NKAIN3: variants seen among roughly 807,000 people sequenced by gnomAD.
NKAIN3 encodes the protein sodium/potassium transporting ATPase interacting 3, also known as sodium/potassium-transporting ATPase subunit beta-1-interacting protein 3.
In NKAIN3, 25 loss-of-function variants were observed where a neutral mutation model predicts 30.2. The ratio of observed to expected loss-of-function variants is 0.83; its 90% confidence interval spans 0.60 to 1.16. The LOEUF (loss-of-function observed/expected upper bound fraction) is 1.16. Ranked by LOEUF, NKAIN3 falls within the 50% of genes most tolerant of loss-of-function variation. NKAIN3 has a pLI of 0.00. For missense variants in NKAIN3, 225 were observed against 254.1 expected (o/e 0.89, Z 0.78); for synonymous variants, 91 against 89.6 (o/e 1.02, Z -0.09).
intron 4 of NKAIN3, among the ~76,000 whole-genome samples, chr8:62,790,673 A>C (rs779305627): frequency 4.0e-5 from 6 of 150,974 alleles, no homozygotes; most frequent in Non-Finnish European, 8.8e-5. Context: ...CTGTATGTCT[A>C]GTACGTTTCC....
At chr8:62,516,442 C>A (rs1807983323) in intron 1 of NKAIN3, among the ~76,000 whole-genome samples, 1 of 152,024 alleles carries the variant, frequency 6.6e-6, no homozygotes, top group South Asian at 2.1e-4. Context: ...TATGTGTGTT[C>A]ATATATGGTA....
At chr8:62,839,834 G>T (rs997015552) in intron 4 of NKAIN3, among the ~76,000 whole-genome samples, 2 of 151,842 alleles carry the variant, frequency 1.3e-5, no homozygotes, top group Admixed American at 6.6e-5. Context: ...GGCTGGTCTC[G>T]AACTCAGGCC....
intron 1 of NKAIN3, among the ~76,000 whole-genome samples, chr8:62,465,826 C>G (rs1806145186): frequency 6.6e-6 from 1 of 152,060 alleles, no homozygotes; most frequent in South Asian, 2.1e-4. Flanking sequence ...AGTTCGAGAC[C>G]AGCCTGGCCA....
intron 1 of NKAIN3, among the ~76,000 whole-genome samples, chr8:62,513,295 T>A (rs1364000385): frequency 1.3e-5 from 2 of 149,950 alleles, no homozygotes; most frequent in African/African-American, 4.9e-5. Flanking sequence ...CTAGATGGAC[T>A]GAAGCTAAAT....
intron 1 of NKAIN3, among the ~76,000 whole-genome samples, chr8:62,507,122 GT>G (rs1448730440): frequency 1.3e-5 from 2 of 152,066 alleles, no homozygotes; most frequent in Admixed American, 6.6e-5. Flanking sequence ...ATTTCCCTTT[GT>G]TTTCCAAAGT....
At chr8:62,626,859 G>C (rs1350487572) in intron 3 of NKAIN3, among the ~76,000 whole-genome samples, 1 of 152,110 alleles carries the variant, frequency 6.6e-6, no homozygotes, top group East Asian at 1.9e-4. Context: ...GTCAACCACT[G>C]TTGCCTCTAT....
intron 4 of NKAIN3, among the ~76,000 whole-genome samples, chr8:62,900,705 A>G (rs1038879214): frequency 2.6e-5 from 4 of 151,658 alleles, no homozygotes; most frequent in African/African-American, 9.7e-5. Flanking sequence ...AATCTTCACA[A>G]TAATTGGTGA....
At chr8:62,281,539 T>G (rs1027222439) in intron 1 of NKAIN3, among the ~76,000 whole-genome samples, 36 of 152,220 alleles carry the variant, frequency 2.4e-4, no homozygotes, top group African/African-American at 8.0e-4. Context: ...CTCTACACAC[T>G]GCTTTAAATG....
chr8:62,942,414 G>T (rs1167378211), intron 5 of NKAIN3, among the ~76,000 whole-genome samples: 1 of 150,936 alleles, frequency 6.6e-6, no homozygotes, highest in Non-Finnish European at 1.5e-5. Flanking sequence ...CATGCTCATG[G>T]ATGCATAGAA....
intron 3 of NKAIN3, among the ~76,000 whole-genome samples, chr8:62,695,572 T>A (rs1366055052): frequency 3.9e-5 from 6 of 152,126 alleles, no homozygotes; most frequent in Admixed American, 3.9e-4. Flanking sequence ...GAAGGAGTAA[T>A]TGACAATAAA....
intron 3 of NKAIN3, among the ~76,000 whole-genome samples, chr8:62,641,857 A>G (rs1384897159): frequency 1.3e-5 from 2 of 152,124 alleles, no homozygotes; most frequent in Non-Finnish European, 2.9e-5. Context: ...CTCTAAGACT[A>G]TGATGCATTT....
At chr8:62,419,781 G>T (rs1337155991) in intron 1 of NKAIN3, among the ~76,000 whole-genome samples, 1 of 152,132 alleles carries the variant, frequency 6.6e-6, no homozygotes, top group African/African-American at 2.4e-5. Flanking sequence ...GACTTTGGGA[G>T]AAATTCTCCA....
At chr8:62,998,931 T>C (rs1804188569) in intron 5 of NKAIN3, among the ~76,000 whole-genome samples, 1 of 152,188 alleles carries the variant, frequency 6.6e-6, no homozygotes, top group African/African-American at 2.4e-5. Context: ...TAAGGTGATA[T>C]CTCATTGTGA....
chr8:62,570,372 G>A (rs898082461), intron 1 of NKAIN3, among the ~76,000 whole-genome samples: 1 of 152,086 alleles, frequency 6.6e-6, no homozygotes, highest in South Asian at 2.1e-4. Context: ...TCATATATGG[G>A]TGTATTAATC....
intron 1 of NKAIN3, among the ~76,000 whole-genome samples, chr8:62,469,851 G>A (rs573631877): frequency 2.6e-5 from 4 of 152,280 alleles, no homozygotes; most frequent in African/African-American, 9.6e-5. Context: ...GGGAATTGCT[G>A]CATCTCTCAT....
At position 62,579,639 on chromosome 8, in the gene NKAIN3, T is replaced by A. The variant is rs368855162; in HGVS notation, c.155T>A (p.Phe52Tyr). The A allele has an allele frequency of 1.3e-5, 21 of 1,609,044 alleles. 1 individual carries two copies. Among genetic ancestry groups the A allele is most frequent in the Non-Finnish European group, 1.8e-5 (21 of 1,176,642 alleles). ...LHIIVVILGL[F>Y]GTIQYRPRYI... is the part of the protein sequence containing the mutation. The stretch of plus-strand genomic sequence containing the variant: ...ATAATAGTTGTCATATTGGGTTTGT[T>A]TGGGACCATTCAGTACAGACCTCGA... Residue 52 changes from phenylalanine to tyrosine, a missense_variant, in exon 2 of 7, where the codon TTT becomes TAT. Phe to Tyr is a conservative substitution (Grantham distance 22). Coordinates refer to ENST00000623646, the MANE Select transcript of NKAIN3 (RefSeq NM_001304533.3).
At chr8:62,263,329 A>G (rs1163765824) in intron 1 of NKAIN3, among the ~76,000 whole-genome samples, 2 of 152,092 alleles carry the variant, frequency 1.3e-5, no homozygotes, top group African/African-American at 2.4e-5. Context: ...TTTAGTCAAT[A>G]TGTAGTTTGC....
intron 3 of NKAIN3, among the ~76,000 whole-genome samples, chr8:62,720,883 A>G (rs1385420841): frequency 6.6e-6 from 1 of 152,226 alleles, no homozygotes; most frequent in Non-Finnish European, 1.5e-5. Context: ...CCTTTCACTT[A>G]ACTGTACTTT....
intron 5 of NKAIN3, among the ~76,000 whole-genome samples, chr8:62,920,660 G>C (rs542314682): frequency 3.2e-4 from 48 of 152,218 alleles, no homozygotes; most frequent in African/African-American, 9.4e-4. Flanking sequence ...TTCAAACTGG[G>C]ATTGAAGCAG....
Sources: gnomAD v4.1 joint callset for allele counts (sites outside exome capture counted in the v4.1 genomes callset) on GRCh38, gnomAD v4.1.1 for gene constraint, MANE v1.5 for transcripts, NCBI Gene and HGNC (gene_info 2026-07-23, HGNC 2026-07-21) for gene names.